Variants in CHRM3 observed in about 807,000 individuals in gnomAD.
CHRM3 encodes the protein muscarinic acetylcholine receptor M3.
In CHRM3, 11 loss-of-function variants were observed where a neutral mutation model predicts 41.8. The ratio of observed to expected loss-of-function variants is 0.26; its 90% CI spans 0.17 to 0.44. The LOEUF (loss-of-function observed/expected upper bound fraction) is 0.44. CHRM3 is among the 20% of genes least tolerant of loss of function. The pLI is 1.00. For synonymous variants in CHRM3, 297 were observed against 301.4 expected (o/e 0.99, Z 0.15); for missense variants, 571 against 745.4 (o/e 0.77, Z 2.72).
intron 3 of CHRM3, among the ~76,000 whole-genome samples, chr1:239,554,630 C>T (rs1660181759): frequency 1.3e-5 from 2 of 151,692 alleles, no homozygotes; most frequent in African/African-American, 4.8e-5. Flanking sequence ...CAAAATTTGA[C>T]ATTTTTACTC....
intron 1 of CHRM3, among the ~76,000 whole-genome samples, chr1:239,402,291 T>C (rs1323574348): frequency 1.3e-5 from 2 of 152,182 alleles, no homozygotes; most frequent in Non-Finnish European, 2.9e-5. Flanking sequence ...ATAACTTCCC[T>C]CTTTACGTGC....
chr1:239,526,923 C>A (rs79134329), intron 2 of CHRM3, among the ~76,000 whole-genome samples: 5,501 of 152,006 alleles, frequency 0.036, 159 homozygotes, highest in African/African-American at 0.068. Context: ...AAGTTTAAGG[C>A]CAGTCTGAGC....
At chr1:239,586,962 C>G (rs1277749594) in intron 3 of CHRM3, among the ~76,000 whole-genome samples, 4 of 152,134 alleles carry the variant, frequency 2.6e-5, no homozygotes, top group African/African-American at 9.7e-5. Context: ...TTGGATAAAG[C>G]TGGATTTGAA....
At chr1:239,743,594 C>T (rs866602343) in intron 5 of CHRM3, among the ~76,000 whole-genome samples, 25 of 152,106 alleles carry the variant, frequency 1.6e-4, no homozygotes, top group Middle Eastern at 6.8e-3. Flanking sequence ...ACTTCACATA[C>T]GAGCAAACCA....
At chr1:239,471,330 T>C (rs922450902) in intron 1 of CHRM3, among the ~76,000 whole-genome samples, 28 of 152,278 alleles carry the variant, frequency 1.8e-4, no homozygotes, top group Non-Finnish European at 3.7e-4. Context: ...AAATCAAAAC[T>C]ACAAGCTGCA....
chr1:239,777,448 T>C (rs531780401), intron 5 of CHRM3, among the ~76,000 whole-genome samples: 46 of 152,308 alleles, frequency 3.0e-4, no homozygotes, highest in African/African-American at 1.0e-3. Flanking sequence ...CTATAAAAAT[T>C]TGTTCTGGAA....
chr1:239,440,953 G>A (rs1024874179), intron 1 of CHRM3, among the ~76,000 whole-genome samples: 1 of 152,152 alleles, frequency 6.6e-6, no homozygotes, highest in African/African-American at 2.4e-5. Context: ...TTGTAAGGCA[G>A]ACATTACTCT....
chr1:239,816,925 G>T (rs1671641168), intron 5 of CHRM3, among the ~76,000 whole-genome samples: 1 of 151,900 alleles, frequency 6.6e-6, no homozygotes, highest in Non-Finnish European at 1.5e-5. Context: ...TAGAGACAGG[G>T]TTTCACCATG....
At chr1:239,628,760 C>CGGCT (rs1669334217) in intron 3 of CHRM3, among the ~76,000 whole-genome samples, 2 of 41,064 alleles carry the variant, frequency 4.9e-5, no homozygotes, top group South Asian at 1.7e-3. Flanking sequence ...AATACCCTGC[C>CGGCT]GTGTGAGGTG....
intron 5 of CHRM3, among the ~76,000 whole-genome samples, chr1:239,758,843 G>C (rs1666455285): frequency 6.6e-6 from 1 of 152,126 alleles, no homozygotes; most frequent in South Asian, 2.1e-4. Context: ...TGGTCTCATA[G>C]ATATTCATGT....
At chr1:239,797,342 ACT>A (rs765486920) in intron 5 of CHRM3, among the ~76,000 whole-genome samples, 14 of 151,980 alleles carry the variant, frequency 9.2e-5, no homozygotes, top group Admixed American at 2.6e-4. Flanking sequence ...TGTACCCCTG[ACT>A]CTAAAATAAA....
intron 6 of CHRM3, among the ~76,000 whole-genome samples, chr1:239,833,209 G>T (rs915421512): frequency 6.6e-6 from 1 of 152,144 alleles, no homozygotes; most frequent in African/African-American, 2.4e-5. Flanking sequence ...AAGGTGACTT[G>T]GTCCCTCCCT....
chr1:239,666,435 G>A (rs899022886), intron 4 of CHRM3, among the ~76,000 whole-genome samples: 1 of 151,666 alleles, frequency 6.6e-6, no homozygotes, highest in Non-Finnish European at 1.5e-5. Context: ...CAGGTGATCT[G>A]CCCACCTTGG....
At chr1:239,389,037 GT>G (rs1658789523) in intron 1 of CHRM3, among the ~76,000 whole-genome samples, 1 of 152,194 alleles carries the variant, frequency 6.6e-6, no homozygotes, top group South Asian at 2.1e-4. Context: ...GAGATCGAAT[GT>G]AGCACGAAAA....
chr1:239,515,171 A>G (rs1669175134), intron 2 of CHRM3, among the ~76,000 whole-genome samples: 1 of 152,100 alleles, frequency 6.6e-6, no homozygotes, highest in Non-Finnish European at 1.5e-5. Flanking sequence ...TGGTTAGTAT[A>G]TATATTTCTC....
At chr1:239,588,789 T>C (rs141319465) in intron 3 of CHRM3, among the ~76,000 whole-genome samples, 72 of 152,306 alleles carry the variant, frequency 4.7e-4, no homozygotes, top group African/African-American at 1.7e-3. Context: ...ACTTTGAATA[T>C]GTAGAACAGT....
chr1:239,570,208 A>C (rs1217653786), intron 3 of CHRM3, among the ~76,000 whole-genome samples: 1 of 151,974 alleles, frequency 6.6e-6, no homozygotes, highest in African/African-American at 2.4e-5. Context: ...ATGAGATCTG[A>C]TGGTTTTATA....
intron 5 of CHRM3, among the ~76,000 whole-genome samples, chr1:239,713,230 C>T (rs1423182565): frequency 6.6e-6 from 1 of 152,084 alleles, no homozygotes; most frequent in Non-Finnish European, 1.5e-5. Flanking sequence ...ATTGCAGTTC[C>T]AGTTATACTG....
intron 1 of CHRM3, among the ~76,000 whole-genome samples, chr1:239,437,282 T>G (rs1663347473): frequency 6.6e-6 from 1 of 152,184 alleles, no homozygotes; most frequent in Non-Finnish European, 1.5e-5. Flanking sequence ...TCTTGCTTTT[T>G]AAATTTTTTG....
Sources: allele counts gnomAD v4.1 joint callset (sites outside exome capture counted in the v4.1 genomes callset), GRCh38; gene constraint gnomAD v4.1.1; transcripts MANE v1.5; gene names NCBI Gene and HGNC (gene_info 2026-07-23, HGNC 2026-07-21).